MAGEC3: variants seen among roughly 807,000 people sequenced by gnomAD.
The protein encoded by MAGEC3 is melanoma-associated antigen C3.
A neutral mutation model predicts 35.3 loss-of-function variants in MAGEC3; 34 were observed. That is an observed-to-expected ratio of 0.96 (90% CI 0.73 to 1.28). The LOEUF (loss-of-function observed/expected upper bound fraction) is 1.28, where lower values mean the gene tolerates loss of function less well. Ranked by LOEUF, MAGEC3 falls within the 50% of genes most tolerant of loss-of-function variation. MAGEC3 has a pLI of 0.00. For synonymous variants in MAGEC3, 202 were observed against 185.6 expected, an observed-to-expected ratio of 1.09 and a Z score of -0.72; for missense variants, 561 against 483.6, an observed-to-expected ratio of 1.16 and a Z score of -1.50.
At chrX:141,867,895 G>A (rs1459913281) in intron 2 of MAGEC3, among the ~76,000 whole-genome samples, 3 of 112,079 alleles carry the variant, frequency 2.7e-5, no homozygotes, top group Non-Finnish European at 3.8e-5. Context: ...GGCCAAGGCG[G>A]GCGGATCATG....
intron 2 of MAGEC3, among the ~76,000 whole-genome samples, chrX:141,874,630 A>G (rs928926884): frequency 8.1e-5 from 9 of 111,523 alleles, no homozygotes; most frequent in Non-Finnish European, 7.5e-5. Flanking sequence ...GGGAATTACA[A>G]AGTAAAACAG....
chrX:141,880,901 C>G (rs754993292), intron 3 of MAGEC3: 12 of 898,791 alleles, frequency 1.3e-5, no homozygotes, highest in Non-Finnish European at 1.9e-5. Context: ...CAGTGTCCCT[C>G]TCTCCCTCAG....
chrX:141,862,656 T>C (rs1341796665), intron 1 of MAGEC3, among the ~76,000 whole-genome samples: 1 of 112,398 alleles, frequency 8.9e-6, no homozygotes, highest in Non-Finnish European at 1.9e-5. Flanking sequence ...CAGGTCTTTA[T>C]GTTAAATGAT....
At chrX:141,889,131 T>C (rs2018023102) in intron 4 of MAGEC3, among the ~76,000 whole-genome samples, 1 of 112,258 alleles carries the variant, frequency 8.9e-6, no homozygotes, top group Non-Finnish European at 1.9e-5. Context: ...TTCCCCATCG[T>C]CCTGAAGCAG....
rs6654457 is a variant in MAGEC3 at position 141,857,762 on chromosome X, C to T, written c.124-7709C>T. ...ACACCTGAAACACGCACCACCCTCA[C>T]TCCATGAATATTTTCCTCACCTTGG... On this transcript the variant is annotated intron_variant, in intron 1 of 7. Coordinates refer to ENST00000298296, the MANE Select transcript of MAGEC3 (RefSeq NM_138702.1). Among the ~76,000 whole-genome samples, 530 of 111,357 alleles carry T rather than the reference C, an allele frequency of 4.8e-3. 6 individuals are homozygous for T. The highest frequency in any genetic ancestry group is 0.016 in the African/African-American group (500 of 30,686).
At chrX:141,839,862 T>C (rs183767454) in intron 1 of MAGEC3, 536 of 475,346 alleles carry the variant, frequency 1.1e-3, no homozygotes, top group Non-Finnish European at 1.3e-3. Flanking sequence ...GCTACTGGTA[T>C]TTAATAAGCA....
chrX:141,887,220 C>T (rs1386449026), intron 4 of MAGEC3, among the ~76,000 whole-genome samples: 2 of 112,477 alleles, frequency 1.8e-5, no homozygotes, highest in African/African-American at 3.2e-5. Flanking sequence ...ATACCTTTAC[C>T]GTCATACCTC....
At chrX:141,847,854 T>C (rs960620978) in intron 1 of MAGEC3, among the ~76,000 whole-genome samples, 9 of 110,334 alleles carry the variant, frequency 8.2e-5, no homozygotes, top group Non-Finnish European at 1.5e-4. Flanking sequence ...AAAGTAAATA[T>C]AAAGATTAAA....
chrX:141,852,163 T>G (rs865853208), intron 1 of MAGEC3, among the ~76,000 whole-genome samples: 34 of 109,272 alleles, frequency 3.1e-4, no homozygotes, highest in African/African-American at 1.1e-3. Flanking sequence ...ATTCTTTACT[T>G]AAATTTAATC....
intron 1 of MAGEC3, among the ~76,000 whole-genome samples, chrX:141,847,881 G>T (rs1299832646): frequency 9.0e-6 from 1 of 110,779 alleles, no homozygotes; most frequent in Non-Finnish European, 1.9e-5. Flanking sequence ...ATTAATAAAA[G>T]AAAAAACAAA....
chrX:141,879,325 C>T lies in MAGEC3; in HGVS notation c.409C>T (p.Leu137=). ...CTGGCCACTCAACGAGAAGAGAACT[C>T]TGTGGAAGGACAGTGACCTTCCAAC... ...QDWPLNEKRT[L]WKDSDLPTWR... The change falls in exon 3 of 8, where the codon CTG becomes TTG. Residue 137 remains leucine, a synonymous_variant. Transcript: ENST00000298296. 2.5e-6 allele frequency: 3 copies of T among 1,204,413 alleles called. No homozygotes were observed. Among genetic ancestry groups the T allele is most frequent in the Non-Finnish European group, 3.4e-6 (3 of 891,790 alleles).
intron 4 of MAGEC3, among the ~76,000 whole-genome samples, chrX:141,884,043 C>A (rs1173536450): frequency 8.8e-6 from 1 of 113,058 alleles, no homozygotes; most frequent in Non-Finnish European, 1.9e-5. Flanking sequence ...ATACCAAAAG[C>A]AGTGAGAGAA....
At chrX:141,890,652 A>T (rs1262164725) in intron 4 of MAGEC3, among the ~76,000 whole-genome samples, 5 of 112,336 alleles carry the variant, frequency 4.5e-5, no homozygotes, top group African/African-American at 1.6e-4. Context: ...TGCAAGAAAA[A>T]GTTGAAATAT....
intron 3 of MAGEC3, 60 bp downstream of exon 3, chrX:141,879,491 G>C: frequency 2.7e-6 from 3 of 1,109,547 alleles, no homozygotes; most frequent in Non-Finnish European, 3.6e-6. Flanking sequence ...GAGGGATACC[G>C]AGAGGTGGGC....
intron 1 of MAGEC3, chrX:141,839,551 G>A (rs2017673964): frequency 1.3e-6 from 1 of 753,975 alleles, no homozygotes; most frequent in Non-Finnish European, 1.6e-6. Flanking sequence ...TCCTGGGCAG[G>A]CTTTGCAGCT....
intron 1 of MAGEC3, among the ~76,000 whole-genome samples, chrX:141,849,465 A>T (rs1195320409): frequency 9.0e-6 from 1 of 111,259 alleles, no homozygotes; most frequent in African/African-American, 3.3e-5. Context: ...AAACAGAGTA[A>T]ACAGCCTACA....
intron 3 of MAGEC3, chrX:141,880,602 A>G: frequency 5.8e-6 from 2 of 347,127 alleles, no homozygotes; most frequent in Non-Finnish European, 9.3e-6. Flanking sequence ...TCAGGAGTCA[A>G]GGTGAGTGCA....
At chrX:141,880,209 C>A (rs1444046627) in intron 3 of MAGEC3, among the ~76,000 whole-genome samples, 1 of 111,746 alleles carries the variant, frequency 8.9e-6, no homozygotes, top group Non-Finnish European at 1.9e-5. Flanking sequence ...ACATGTGCAT[C>A]AGAACAGATG....
intron 2 of MAGEC3, among the ~76,000 whole-genome samples, chrX:141,874,510 G>A (rs948401858): frequency 9.0e-6 from 1 of 111,614 alleles, no homozygotes; most frequent in Non-Finnish European, 1.9e-5. Context: ...TAACAAGAAA[G>A]CAATCCAATA....
Sources: gnomAD v4.1 joint callset for allele counts (sites outside exome capture counted in the v4.1 genomes callset) on GRCh38, gnomAD v4.1.1 for gene constraint, MANE v1.5 for transcripts, NCBI Gene and HGNC (gene_info 2026-07-23, HGNC 2026-07-21) for gene names.